The following FAAH2 variants were observed in gnomAD, a reference collection of about 807,000 sequenced individuals.
The protein encoded by FAAH2 is fatty-acid amide hydrolase 2.
A neutral mutation model predicts 36.9 loss-of-function variants in FAAH2; 60 were observed. The observed-to-expected ratio is 1.63, with a 90% CI of 1.32 to 2.02. The LOEUF (loss-of-function observed/expected upper bound fraction) is 2.02. FAAH2 is among the 30% of genes most tolerant of loss of function. FAAH2 has a pLI of 0.00. For missense variants in FAAH2, 689 were observed against 397.5 expected (o/e 1.73, Z -6.23); for synonymous variants, 214 against 143.8 (o/e 1.49, Z -3.49).
At chrX:57,349,459 A>G (rs1431325044) in intron 5 of FAAH2, among the ~76,000 whole-genome samples, 1 of 101,072 alleles carries the variant, frequency 9.9e-6, no homozygotes, top group African/African-American at 3.5e-5. Flanking sequence ...ATACATATAT[A>G]TACATACATG....
intron 7 of FAAH2, among the ~76,000 whole-genome samples, chrX:57,398,351 T>C (rs1316854383): frequency 1.8e-5 from 2 of 111,901 alleles, no homozygotes; most frequent in South Asian, 3.8e-4. Context: ...TTCTGTAATA[T>C]CTCACAGGTG....
chrX:57,310,472 G>A, intron 2 of FAAH2, 121 bp from the exon 3 acceptor site: 2 of 804,917 alleles, frequency 2.5e-6, no homozygotes, highest in African/African-American at 2.1e-5. Flanking sequence ...TAAGGCTCTT[G>A]ACAAGTACAT....
At chrX:57,342,517 A>G (rs961146847) in intron 5 of FAAH2, among the ~76,000 whole-genome samples, 3 of 111,761 alleles carry the variant, frequency 2.7e-5, no homozygotes, top group African/African-American at 9.8e-5. Flanking sequence ...CCTAAACTTA[A>G]AAGTTAAAAA....
At chrX:57,375,743 T>C (rs996362965) in intron 5 of FAAH2, among the ~76,000 whole-genome samples, 1 of 111,737 alleles carries the variant, frequency 8.9e-6, no homozygotes, top group African/African-American at 3.2e-5. Context: ...TTGGCCCTTT[T>C]TTAATTGGGT....
chrX:57,149,554 C>T, the FAAH2 span, among the ~76,000 whole-genome samples: 5 of 111,425 alleles, frequency 4.5e-5, no homozygotes, highest in African/African-American at 6.5e-5. Flanking sequence ...TAGAGGTGTT[C>T]ATAGTATTCT....
intron 4 of FAAH2, among the ~76,000 whole-genome samples, chrX:57,336,943 C>G (rs1190465803): frequency 1.1e-5 from 1 of 90,406 alleles, no homozygotes; most frequent in Non-Finnish European, 2.2e-5. Flanking sequence ...CTTCAAAAAT[C>G]AACGAATCCA....
At chrX:57,132,014 C>A in the FAAH2 span, among the ~76,000 whole-genome samples, 616 of 111,903 alleles carry the variant, frequency 5.5e-3, 5 homozygotes, top group African/African-American at 0.019. Flanking sequence ...CATTTTAACT[C>A]ATGTATCCTC....
the FAAH2 span, among the ~76,000 whole-genome samples, chrX:57,177,032 A>AT: frequency 4.5e-5 from 5 of 110,685 alleles, 1 homozygote; most frequent in South Asian, 7.6e-4. Context: ...AATCCCCAGT[A>AT]TTTTTTTCAC....
the FAAH2 span, among the ~76,000 whole-genome samples, chrX:57,243,091 G>A: frequency 9.0e-6 from 1 of 111,360 alleles, no homozygotes; most frequent in East Asian, 2.8e-4. Context: ...TATTACTAAG[G>A]CTTGAGTAGG....
At chrX:57,341,199 AG>A in intron 4 of FAAH2, 71 bp from the exon 5 acceptor site, 1 of 1,069,421 alleles carries the variant, frequency 9.4e-7, no homozygotes, top group Non-Finnish European at 1.2e-6. Context: ...GAAAGTGAAA[AG>A]ATGGAAAAAG....
intron 2 of FAAH2, among the ~76,000 whole-genome samples, chrX:57,295,088 C>T (rs1339258812): frequency 8.9e-6 from 1 of 111,822 alleles, no homozygotes; most frequent in Non-Finnish European, 1.9e-5. Flanking sequence ...GGGACCAAGA[C>T]ATCTGTGAAG....
chrX:57,422,200 C>T (rs2056054990), intron 7 of FAAH2, among the ~76,000 whole-genome samples: 1 of 112,124 alleles, frequency 8.9e-6, no homozygotes, highest in Non-Finnish European at 1.9e-5. Context: ...TCTCATCAAG[C>T]TCACAATAAT....
At chrX:57,200,379 CTT>C in the FAAH2 span, among the ~76,000 whole-genome samples, 1,348 of 82,460 alleles carry the variant, frequency 0.016, 32 homozygotes, top group African/African-American at 0.066. Context: ...CATACTTTCA[CTT>C]TTTTTTTTTT....
At chrX:57,320,063 C>A (rs1459808352) in intron 3 of FAAH2, among the ~76,000 whole-genome samples, 4 of 111,669 alleles carry the variant, frequency 3.6e-5, no homozygotes, top group Non-Finnish European at 7.5e-5. Context: ...CCATAAAAAC[C>A]CTAGAAGGAA....
intron 5 of FAAH2, among the ~76,000 whole-genome samples, chrX:57,351,100 G>C (rs771231722): frequency 9.0e-6 from 1 of 111,246 alleles, no homozygotes; most frequent in South Asian, 3.7e-4. Flanking sequence ...ACAAGAAAAA[G>C]CTTCAACACA....
At chrX:57,197,322 T>C in the FAAH2 span, among the ~76,000 whole-genome samples, 2 of 112,266 alleles carry the variant, frequency 1.8e-5, no homozygotes, top group Non-Finnish European at 3.8e-5. Context: ...CTTTCTGTGA[T>C]GCCTCATTGA....
In FAAH2 at chrX:57,379,497, G is replaced by T. The variant is rs771831259; in HGVS notation, c.878+711G>T. Among the ~76,000 whole-genome samples, 4 of 106,157 alleles carry T rather than the reference G, an allele frequency of 3.8e-5. No homozygotes were observed. The South Asian group carries it at 1.3e-3, about 34-fold the overall frequency. 92.2% of individuals were successfully genotyped at this position (106,157 alleles called of 115,157 possible). A position where few individuals can be genotyped will look rare whatever the true frequency, so the allele number is the denominator to read the frequency against. On this transcript the variant is annotated intron_variant, in intron 6 of 10. Coordinates refer to ENST00000374900, the MANE Select transcript of FAAH2 (RefSeq NM_174912.4). ...TTGTTCCATTACTTATCTCATCTTA[G>T]TATGACTTTAACCTCTCTCTCTCTG...
At chrX:57,246,527 C>T in the FAAH2 span, among the ~76,000 whole-genome samples, 1 of 111,754 alleles carries the variant, frequency 8.9e-6, no homozygotes, top group Non-Finnish European at 1.9e-5. Flanking sequence ...CGACCATGAT[C>T]AATTCGGCTT....
chrX:57,232,065 C>T, the FAAH2 span, among the ~76,000 whole-genome samples: 2 of 111,558 alleles, frequency 1.8e-5, no homozygotes, highest in Non-Finnish European at 3.8e-5. Flanking sequence ...AATAGTATGT[C>T]TTTTGACTGA....
Sources: allele counts gnomAD v4.1 joint callset (sites outside exome capture counted in the v4.1 genomes callset), GRCh38; gene constraint gnomAD v4.1.1; transcripts MANE v1.5; gene names NCBI Gene and HGNC (gene_info 2026-07-23, HGNC 2026-07-21).